Variants in ME1 observed in about 807,000 individuals in gnomAD.
ME1 encodes the protein NADP-dependent malic enzyme.
A neutral mutation model predicts 66.4 loss-of-function variants in ME1; 74 were observed. The ratio of observed to expected loss-of-function variants is 1.11; its 90% CI spans 0.92 to 1.35. The LOEUF (loss-of-function observed/expected upper bound fraction) is 1.35, where lower values mean the gene tolerates loss of function less well. Among genes scored for constraint, ME1 ranks in the 40% most tolerant of loss-of-function variants. ME1 has a pLI of 0.00. For synonymous variants in ME1, 251 were observed against 235.6 expected, an observed-to-expected ratio of 1.07 and a Z score of -0.60; for missense variants, 750 against 694.1, an observed-to-expected ratio of 1.08 and a Z score of -0.90.
chr6:83,272,106 CT>C (rs1044854819), intron 6 of ME1, among the ~76,000 whole-genome samples: 1 of 152,118 alleles, frequency 6.6e-6, no homozygotes, highest in African/African-American at 2.4e-5. Flanking sequence ...CCCTGTTTTG[CT>C]GTTAAATACT....
intron 1 of ME1, among the ~76,000 whole-genome samples, chr6:83,419,334 A>G (rs1180707570): frequency 1.3e-5 from 2 of 152,200 alleles, no homozygotes; most frequent in Non-Finnish European, 2.9e-5. Context: ...CAAATCATAG[A>G]TGGCTCAACC....
At chr6:83,277,710 T>C (rs1468953015) in intron 6 of ME1, among the ~76,000 whole-genome samples, 1 of 152,052 alleles carries the variant, frequency 6.6e-6, no homozygotes, top group Non-Finnish European at 1.5e-5. Flanking sequence ...GAGGCCAGCC[T>C]GGCCAACATG....
At chr6:83,225,205 CAAAAA>C (rs146673365) in intron 11 of ME1, among the ~76,000 whole-genome samples, 17 of 40,494 alleles carry the variant, frequency 4.2e-4, no homozygotes, top group African/African-American at 1.1e-3. Context: ...GACTCCATCT[CAAAAA>C]AAAAAAAAAA....
intron 7 of ME1, among the ~76,000 whole-genome samples, chr6:83,248,778 C>A (rs1363156607): frequency 6.6e-6 from 1 of 152,156 alleles, no homozygotes; most frequent in African/African-American, 2.4e-5. Context: ...GAGGCCTCCT[C>A]AGCCATAAGA....
intron 7 of ME1, among the ~76,000 whole-genome samples, chr6:83,248,706 T>A (rs1583339353): frequency 6.6e-6 from 1 of 152,234 alleles, no homozygotes; most frequent in Non-Finnish European, 1.5e-5. Context: ...ATCTCTCTCC[T>A]GCTGCCTTGT....
chr6:83,407,828 T>C lies in ME1; in HGVS notation c.152A>G (p.Gln51Arg). The C allele has an allele frequency of 6.2e-7, 1 of 1,613,426 alleles. No homozygotes were observed. The highest frequency in any genetic ancestry group is 8.5e-7 in the Non-Finnish European group (1 of 1,179,826). Residue 51 changes from glutamine to arginine, a missense_variant, in exon 2 of 14, where the codon CAG becomes CGG. Physicochemically the swap from Gln to Arg is conservative, Grantham distance 43. Transcript: ENST00000369705. ...TACTACTCTAAGAACCTGGATCTCC[T>C]GACTGTTGAAGGAAGGTGGCAACAA... ...HGLLPPSFNS[Q>R]EIQVLRVVKN...
intron 1 of ME1, among the ~76,000 whole-genome samples, chr6:83,413,712 A>T (rs945663186): frequency 1.3e-4 from 20 of 152,140 alleles, no homozygotes; most frequent in Non-Finnish European, 2.1e-4. Flanking sequence ...TTTGCCCTGA[A>T]CACATTCTAC....
At chr6:83,406,088 A>G (rs144756115) in intron 2 of ME1, among the ~76,000 whole-genome samples, 1 of 152,246 alleles carries the variant, frequency 6.6e-6, no homozygotes, top group East Asian at 1.9e-4. Context: ...TGAAATAATC[A>G]TGTGAGTTTT....
At chr6:83,401,732 T>C (rs983914977) in intron 2 of ME1, among the ~76,000 whole-genome samples, 2 of 152,172 alleles carry the variant, frequency 1.3e-5, no homozygotes, top group African/African-American at 4.8e-5. Flanking sequence ...CTCAGCAATA[T>C]GGACTTTCAC....
intron 3 of ME1, among the ~76,000 whole-genome samples, chr6:83,370,531 G>A (rs1196167342): frequency 2.0e-5 from 3 of 152,064 alleles, no homozygotes; most frequent in Admixed American, 6.6e-5. Flanking sequence ...TGCATAAAAA[G>A]CAACTGCATA....
chr6:83,212,250 AT>A (rs1789905106), intron 13 of ME1, among the ~76,000 whole-genome samples, 156 bp from the exon 14 acceptor site: 1 of 152,230 alleles, frequency 6.6e-6, no homozygotes, highest in South Asian at 2.1e-4. Flanking sequence ...CAATGAAGAT[AT>A]AAAATGAAAA....
intron 6 of ME1, 30 bp from the exon 7 acceptor site, chr6:83,253,768 A>C: frequency 9.1e-7 from 1 of 1,101,364 alleles, no homozygotes; most frequent in Non-Finnish European, 1.4e-6. Flanking sequence ...ATATTAGAAG[A>C]GGTTAATAAA....
chr6:83,389,445 GT>G (rs1769576930), intron 3 of ME1, among the ~76,000 whole-genome samples: 1 of 151,938 alleles, frequency 6.6e-6, no homozygotes, highest in African/African-American at 2.4e-5. Flanking sequence ...TTACAATATA[GT>G]TGAGACAAAA....
chr6:83,353,697 TGAAA>T (rs1768839918), intron 3 of ME1, among the ~76,000 whole-genome samples: 1 of 152,204 alleles, frequency 6.6e-6, no homozygotes, highest in South Asian at 2.1e-4. Flanking sequence ...CTTGAGCAAG[TGAAA>T]GACTCTTCAT....
Position 83,227,437 on chromosome 6 carries a change from G to C in ME1, c.1173C>G (p.Leu391=). The change falls in exon 11 of 14, where the codon CTC becomes CTG. Residue 391 remains leucine, a synonymous_variant. Transcript: ENST00000369705. ...GTTCATTGAAGGCAGCCATATCTTTGAGAATTTGTTCTGAGAATGCACCAC... is the reference window on the plus strand; with the variant it reads ...GTTCATTGAAGGCAGCCATATCTTTCAGAATTTGTTCTGAGAATGCACCAC... ...AIGGAFSEQI[L]KDMAAFNERP... 1 of 1,602,876 alleles carries C rather than the reference G, an allele frequency of 6.2e-7. No homozygotes were observed. The highest frequency in any genetic ancestry group is 8.5e-7 in the Non-Finnish European group (1 of 1,172,930).
intron 6 of ME1, among the ~76,000 whole-genome samples, chr6:83,314,104 A>C (rs1050092074): frequency 3.3e-5 from 5 of 152,236 alleles, no homozygotes; most frequent in African/African-American, 9.6e-5. Flanking sequence ...TTCTGTGGCT[A>C]CACAGTAACC....
At chr6:83,315,244 G>T in intron 6 of ME1, 66 bp downstream of exon 6, 1 of 944,334 alleles carries the variant, frequency 1.1e-6, no homozygotes, top group Non-Finnish European at 1.7e-6. Context: ...CATAAATCTT[G>T]GATTTTTTAA....
intron 5 of ME1, among the ~76,000 whole-genome samples, chr6:83,316,472 T>C (rs1190909289): frequency 6.6e-6 from 1 of 152,118 alleles, no homozygotes; most frequent in African/African-American, 2.4e-5. Context: ...ATAGCATATT[T>C]AGCAGTGAAA....
At chr6:83,382,634 ATAATCT>A (rs1253310677) in intron 3 of ME1, among the ~76,000 whole-genome samples, 2 of 152,090 alleles carry the variant, frequency 1.3e-5, no homozygotes, top group Non-Finnish European at 2.9e-5. Flanking sequence ...ATTTGAGAAA[ATAATCT>A]TAATTAACAA....
Sources: allele counts gnomAD v4.1 joint callset (sites outside exome capture counted in the v4.1 genomes callset), GRCh38; gene constraint gnomAD v4.1.1; transcripts MANE v1.5; gene names NCBI Gene and HGNC (gene_info 2026-07-23, HGNC 2026-07-21).